Variants in TF observed in about 807,000 individuals in gnomAD.
The protein encoded by TF is transferrin.
In TF, 55 loss-of-function variants were observed where a neutral mutation model predicts 82.4. That is an observed-to-expected ratio of 0.67 (90% CI 0.54 to 0.84). The LOEUF is 0.84. Among genes scored for constraint, TF ranks in the 40% least tolerant of loss-of-function variants. The probability of loss-of-function intolerance (pLI) is 0.00; values close to 1 mark genes in which losing one functional copy is unlikely to be tolerated. For synonymous variants in TF, 332 were observed against 332.6 expected, an observed-to-expected ratio of 1.00 and a Z score of 0.02; for missense variants, 737 against 868.4, an observed-to-expected ratio of 0.85 and a Z score of 1.90.
rs1934128227 is a variant in TF, at chr3:133,766,380, G to T, written c.1433G>T (p.Gly478Val). 6.2e-7 allele frequency: 1 copy of T among 1,614,220 alleles called. No homozygotes were observed. The highest frequency in any genetic ancestry group is 8.5e-7 in the Non-Finnish European group (1 of 1,180,032). The change falls in exon 12 of 17, where the codon GGC becomes GTC. Residue 478 changes from glycine (G) to valine (V), a missense_variant. Gly to Val is a moderately radical substitution (Grantham distance 109, BLOSUM62 -3). Coordinates refer to ENST00000402696, the MANE Select transcript of TF (RefSeq NM_001063.4). ...SCHTAVGRTA[G>V]WNIPMGLLYN... ...CATACGGCAGTTGGCAGAACCGCTGGCTGGAACATCCCCATGGGCCTGCTC... is the reference window on the plus strand; with the variant it reads ...CATACGGCAGTTGGCAGAACCGCTGTCTGGAACATCCCCATGGGCCTGCTC...
Position 133,777,228 on chromosome 3 carries a change from C to G in TF, c.2052C>G (p.Cys684Trp). 6.2e-7 allele frequency: 1 copy of G among 1,612,556 alleles called. No individual in the cohort carries two copies. Among genetic ancestry groups the G allele is most frequent in the Non-Finnish European group, 8.5e-7 (1 of 1,179,964 alleles). Residue 684 changes from cysteine (C) to tryptophan (W), a missense_variant, in exon 16 of 17, where the codon TGC (cysteine) becomes TGG (tryptophan). By Grantham distance (215) the Cys-to-Trp change is radical. Coordinates refer to ENST00000402696, the MANE Select transcript of TF (RefSeq NM_001063.4). ...AGGCTGTTGGTAACCTGAGAAAATG[C>G]TCCACCTCATGTGAGTAGGAGGAAC... ...YVKAVGNLRK[C>W]STSSLLEACT...
At chr3:133,667,203 T>A in the TF span, among the ~76,000 whole-genome samples, 137 of 151,734 alleles carry the variant, frequency 9.0e-4, 1 homozygote, top group East Asian at 0.025. Flanking sequence ...TGTTTTTTTT[T>A]AAAATTAACT....
intron 7 of TF, 73 bp from the exon 8 acceptor site, chr3:133,757,696 T>C: frequency 2.1e-6 from 3 of 1,440,588 alleles, no homozygotes; most frequent in Non-Finnish European, 2.9e-6. Flanking sequence ...AGAGATTTCT[T>C]TTCTCTTCAG....
At chr3:133,724,225 T>C in the TF span, among the ~76,000 whole-genome samples, 89 of 152,308 alleles carry the variant, frequency 5.8e-4, no homozygotes, top group African/African-American at 4.8e-4. Flanking sequence ...CCTGAGGAAT[T>C]GCCACACTGA....
the TF span, among the ~76,000 whole-genome samples, chr3:133,729,157 C>T: frequency 5.3e-5 from 8 of 152,176 alleles, no homozygotes; most frequent in South Asian, 2.1e-4. Flanking sequence ...TCTCCAGCTG[C>T]GTGCTGGGAG....
the TF span, among the ~76,000 whole-genome samples, chr3:133,715,796 C>T: frequency 6.6e-6 from 1 of 152,272 alleles, no homozygotes. Flanking sequence ...GCAGACTACT[C>T]CCACCACTCC....
chr3:133,759,955 T>G (rs1933946513), intron 9 of TF, among the ~76,000 whole-genome samples: 1 of 152,144 alleles, frequency 6.6e-6, no homozygotes, highest in South Asian at 2.1e-4. Context: ...TTGGGATCAT[T>G]TCATGTAGGT....
chr3:133,696,351 C>T, the TF span, among the ~76,000 whole-genome samples: 1 of 148,574 alleles, frequency 6.7e-6, no homozygotes, highest in East Asian at 2.0e-4. Context: ...CTTACTGTGC[C>T]TAATTTATAA....
At chr3:133,764,616 G>A (rs1269083584) in intron 10 of TF, among the ~76,000 whole-genome samples, 2 of 152,178 alleles carry the variant, frequency 1.3e-5, no homozygotes, top group Non-Finnish European at 2.9e-5. Flanking sequence ...TTTAAATATA[G>A]TTGGCTAGCA....
At chr3:133,670,346 T>C in the TF span, among the ~76,000 whole-genome samples, 5 of 152,252 alleles carry the variant, frequency 3.3e-5, no homozygotes, top group Non-Finnish European at 5.9e-5. Flanking sequence ...AGACCATCTT[T>C]GCCGTGAAGT....
chr3:133,731,525 G>A, the TF span, among the ~76,000 whole-genome samples: 2,039 of 152,300 alleles, frequency 0.013, 41 homozygotes, highest in African/African-American at 0.045. Flanking sequence ...TTTTGCCAAA[G>A]GTCCCAGCAG....
the TF span, among the ~76,000 whole-genome samples, chr3:133,713,264 C>T: frequency 6.6e-6 from 1 of 152,236 alleles, no homozygotes; most frequent in African/African-American, 2.4e-5. Context: ...AGGTATTGTT[C>T]TAACTAGAGG....
Position 133,759,235 on chromosome 3 carries a change from A to C in TF, c.1109A>C (p.Glu370Ala). ...AAGTGGTGTGCGCTGAGCCACCACG[A>C]GAGGCTCAAGTGTGATGAGTGGAGT... ...PVKWCALSHHERLKCDEWSVN... is the reference protein window; with the variant it reads ...PVKWCALSHHARLKCDEWSVN... Residue 370 changes from glutamate (E) to alanine (A), a missense_variant, in exon 9 of 17, where the codon GAG becomes GCG. Coordinates refer to ENST00000402696, the MANE Select transcript of TF (RefSeq NM_001063.4). The C allele has an allele frequency of 6.2e-7, 1 of 1,614,104 alleles. No individual in the cohort carries two copies. Among genetic ancestry groups the C allele is most frequent in the African/African-American group, 1.3e-5 (1 of 75,036 alleles).
the TF span, among the ~76,000 whole-genome samples, chr3:133,695,164 T>G: frequency 2.0e-5 from 3 of 151,442 alleles, no homozygotes; most frequent in Non-Finnish European, 4.4e-5. Flanking sequence ...GGGGGAGAAG[T>G]GAGGCCTGTG....
At position 133,757,942 on chromosome 3, in the gene TF, C is replaced by T. The variant is rs139468631; in HGVS notation, c.1044C>T (p.Gly348=). The T allele has an allele frequency of 1.7e-4, 279 of 1,614,006 alleles. No individual in the cohort carries two copies. Among genetic ancestry groups the T allele is most frequent in the Non-Finnish European group, 2.3e-4 (267 of 1,180,008 alleles). The part of the protein sequence containing the change: ...YVTAIRNLRE[G]TCPEAPTDEC... ...CTGCCATCCGGAATCTACGGGAAGG[C>T]ACATGTGAGTACCTGGGAAGAACCA... Residue 348 remains glycine (G), a synonymous_variant, in exon 8 of 17, where the codon GGC becomes GGT. Coordinates refer to ENST00000402696, the MANE Select transcript of TF (RefSeq NM_001063.4).
the TF span, among the ~76,000 whole-genome samples, chr3:133,699,182 A>G: frequency 6.6e-6 from 1 of 152,216 alleles, no homozygotes; most frequent in African/African-American, 2.4e-5. Flanking sequence ...TGCTGTCACC[A>G]TTCCTATTAG....
intron 15 of TF, among the ~76,000 whole-genome samples, chr3:133,776,243 C>A (rs771505419): frequency 7.9e-4 from 121 of 152,282 alleles, no homozygotes; most frequent in Non-Finnish European, 1.0e-3. Flanking sequence ...GCAGACTGAG[C>A]ACTGTTCTCA....
chr3:133,754,653 C>A lies in TF; in HGVS notation c.484C>A (p.Arg162Ser). Reference sequence around the variant, plus strand: ...ACTTTACTGTGACTTACCTGAGCCACGTAAACCTCTTGAGAAAGGTAAGCT... The same window carrying A: ...ACTTTACTGTGACTTACCTGAGCCAAGTAAACCTCTTGAGAAAGGTAAGCT... ...GLLYCDLPEPRKPLEKAVANF... is the reference protein window; with the variant it reads ...GLLYCDLPEPSKPLEKAVANF... Residue 162 changes from arginine to serine, a missense_variant, in exon 4 of 17, where the codon CGT becomes AGT. By Grantham distance (110) the Arg-to-Ser change is moderately radical. Transcript: ENST00000402696. The A allele has an allele frequency of 6.2e-7, 1 of 1,614,176 alleles. No homozygotes were observed. The highest frequency in any genetic ancestry group is 8.5e-7 in the Non-Finnish European group (1 of 1,180,038).
chr3:133,746,467 G>T lies in TF; in HGVS notation c.27G>T (p.Leu9=). MRLAVGAL[L]VCAVLGLCLA... is the part of the protein sequence containing the mutation. ...TGAGGCTCGCCGTGGGAGCCCTGCT[G>T]GTCTGCGCCGTCCTGGGTGAGTGCG... Residue 9 remains leucine (L), a synonymous_variant, in exon 1 of 17, where the codon CTG becomes CTT. Coordinates refer to ENST00000402696, the MANE Select transcript of TF (RefSeq NM_001063.4). 6.3e-7 allele frequency: 1 copy of T among 1,599,766 alleles called. No homozygotes were observed.
Sources: allele counts gnomAD v4.1 joint callset (sites outside exome capture counted in the v4.1 genomes callset), GRCh38; gene constraint gnomAD v4.1.1; transcripts MANE v1.5; gene names NCBI Gene and HGNC (gene_info 2026-07-23, HGNC 2026-07-21).